The following LNX1 variants were observed in gnomAD, a reference collection of about 807,000 sequenced individuals.
LNX1 encodes the protein E3 ubiquitin-protein ligase LNX.
Under a neutral mutation model 68.4 loss-of-function variants are expected in LNX1, and 54 were observed. The observed-to-expected ratio is 0.79, with a 90% confidence interval of 0.63 to 0.99. The LOEUF (loss-of-function observed/expected upper bound fraction) is 0.99, where lower values mean the gene tolerates loss of function less well. Ranked by LOEUF, LNX1 falls within the 50% of genes least tolerant of loss-of-function variation. The probability of loss-of-function intolerance (pLI) is 0.00; values close to 1 mark genes in which losing one functional copy is unlikely to be tolerated. For missense variants in LNX1, 906 were observed against 926.4 expected, an observed-to-expected ratio of 0.98 and a Z score of 0.29; for synonymous variants, 336 against 350.0, an observed-to-expected ratio of 0.96 and a Z score of 0.45.
intron 2 of LNX1, among the ~76,000 whole-genome samples, chr4:53,567,541 C>T (rs1199447494): frequency 6.6e-6 from 1 of 152,160 alleles, no homozygotes; most frequent in Non-Finnish European, 1.5e-5. Flanking sequence ...CAAGAGAAAG[C>T]AGGAAAGATC....
rs762976411 is a variant in LNX1, at chr4:53,459,520, A to G, written c.*1387T>C. On this transcript the variant is annotated 3_prime_UTR_variant, in exon 11 of 11. Coordinates refer to ENST00000263925, the MANE Select transcript of LNX1 (RefSeq NM_001126328.3). ...TATAAATCTTGTTATTTTTCTGGAT[A>G]ATGTTTAAGAAATTTACCTTAAATC... 4 of 1,593,638 alleles carry G rather than the reference A, an allele frequency of 2.5e-6. No homozygotes were observed. Among genetic ancestry groups the G allele is most frequent in the African/African-American group, 2.7e-5 (2 of 74,288 alleles).
At chr4:53,471,126 C>G (rs2150570683) in intron 9 of LNX1, among the ~76,000 whole-genome samples, 1 of 142,306 alleles carries the variant, frequency 7.0e-6, no homozygotes, top group East Asian at 2.0e-4. Context: ...CAGCATGGTA[C>G]TGGTACCAAA....
intron 2 of LNX1, among the ~76,000 whole-genome samples, chr4:53,515,542 C>A (rs1046328947): frequency 4.6e-5 from 7 of 151,678 alleles, no homozygotes; most frequent in Non-Finnish European, 1.0e-4. Flanking sequence ...GACAAGAAGA[C>A]CGACTTAAGA....
chr4:53,576,283 G>A (rs1330582608), intron 1 of LNX1: 10 of 1,612,372 alleles, frequency 6.2e-6, no homozygotes, highest in Middle Eastern at 1.6e-4. Context: ...ATACCGCTTC[G>A]AGGTCCCCAT....
chr4:53,604,410 A>G (rs1733144914), intron 2 of LNX1, among the ~76,000 whole-genome samples: 1 of 152,248 alleles, frequency 6.6e-6, no homozygotes, highest in South Asian at 2.1e-4. Flanking sequence ...AAAAGTGATG[A>G]ATTCTCTAGA....
chr4:53,643,875 G>A (rs1399085644), intron 1 of LNX1, among the ~76,000 whole-genome samples: 1 of 152,230 alleles, frequency 6.6e-6, no homozygotes, highest in Admixed American at 6.5e-5. Flanking sequence ...GAAGAATTCA[G>A]TAAGTGACAG....
intron 5 of LNX1, among the ~76,000 whole-genome samples, 163 bp downstream of exon 5, chr4:53,498,478 C>T (rs938600017): frequency 1.3e-5 from 2 of 152,082 alleles, no homozygotes; most frequent in Admixed American, 6.6e-5. Context: ...ACAAAGATCT[C>T]AATTAAATGA....
At chr4:53,535,195 C>T (rs1005926957) in intron 2 of LNX1, among the ~76,000 whole-genome samples, 1 of 152,198 alleles carries the variant, frequency 6.6e-6, no homozygotes, top group African/African-American at 2.4e-5. Flanking sequence ...ACCAATATTG[C>T]TGTTTCCATT....
At position 53,581,822 on chromosome 4, in the gene LNX1, T is replaced by C. The variant is rs1285846033; in HGVS notation, c.-86-7734A>G. Among the ~76,000 whole-genome samples the C allele has an allele frequency of 5.3e-5, 8 of 152,182 alleles. No individual in the cohort carries two copies. In the East Asian group the frequency reaches 1.5e-3, roughly 29 times the overall value. Reference sequence around the variant, plus strand: ...ACCATATCACGCATCTTGTTTTTGATTGAGGAAATTGCCATGTTTGATCAT... The same window carrying C: ...ACCATATCACGCATCTTGTTTTTGACTGAGGAAATTGCCATGTTTGATCAT... On this transcript the variant is annotated intron_variant, in intron 1 of 10. Coordinates refer to ENST00000263925, the MANE Select transcript of LNX1 (RefSeq NM_001126328.3).
intron 2 of LNX1, among the ~76,000 whole-genome samples, chr4:53,568,933 T>A (rs1193922517): frequency 6.6e-6 from 1 of 151,690 alleles, no homozygotes; most frequent in Admixed American, 6.6e-5. Context: ...GAGAATAAAA[T>A]ACCTAGGAAT....
intron 1 of LNX1, among the ~76,000 whole-genome samples, chr4:53,625,136 A>G (rs963509796): frequency 2.6e-4 from 39 of 152,338 alleles, no homozygotes; most frequent in African/African-American, 8.7e-4. Context: ...GGGAAAAAAC[A>G]TAAGAGTAAA....
chr4:53,471,213 CA>C (rs1211070252), intron 9 of LNX1, among the ~76,000 whole-genome samples: 1 of 151,774 alleles, frequency 6.6e-6, no homozygotes, highest in Non-Finnish European at 1.5e-5. Context: ...TGATCTTTGA[CA>C]AACCTGACAA....
At chr4:53,622,415 C>A (rs1707094659), upstream of LNX1, among the ~76,000 whole-genome samples, 1 of 152,082 alleles carries the variant, frequency 6.6e-6, no homozygotes, top group African/African-American at 2.4e-5. Context: ...ACCTCTGTTG[C>A]CACACACTGG....
At chr4:53,502,316 G>A (rs1174969896) in intron 4 of LNX1, among the ~76,000 whole-genome samples, 1 of 147,180 alleles carries the variant, frequency 6.8e-6, no homozygotes, top group Non-Finnish European at 1.5e-5. Flanking sequence ...GATATTGTGG[G>A]TTTGGTTCCA....
chr4:53,532,067 G>A (rs945224191), intron 2 of LNX1, among the ~76,000 whole-genome samples: 3 of 152,314 alleles, frequency 2.0e-5, no homozygotes, highest in South Asian at 4.1e-4. Flanking sequence ...GTCTTGCAAT[G>A]AGAAACAAGG....
intron 1 of LNX1, among the ~76,000 whole-genome samples, chr4:53,635,109 C>T (rs571751901): frequency 6.6e-6 from 1 of 152,340 alleles, no homozygotes; most frequent in African/African-American, 2.4e-5. Flanking sequence ...GAATAGCACG[C>T]ATGAGCCATG....
At chr4:53,464,951 TTC>T (rs1722553840) in intron 9 of LNX1, among the ~76,000 whole-genome samples, 2 of 152,158 alleles carry the variant, frequency 1.3e-5, no homozygotes, top group South Asian at 4.1e-4. Context: ...AATCAGAACA[TTC>T]TATAAAATCT....
chr4:53,541,640 C>T (rs941688617), intron 2 of LNX1, among the ~76,000 whole-genome samples: 7 of 151,962 alleles, frequency 4.6e-5, no homozygotes, highest in East Asian at 3.9e-4. Context: ...GCCAAGAAAA[C>T]GGACTGTTTC....
At chr4:53,629,921 A>G (rs753487497) in intron 1 of LNX1, among the ~76,000 whole-genome samples, 14 of 152,136 alleles carry the variant, frequency 9.2e-5, no homozygotes, top group Non-Finnish European at 1.5e-4. Context: ...ACAATACATC[A>G]ATTCTTCTCA....
Sources: allele counts gnomAD v4.1 joint callset (sites outside exome capture counted in the v4.1 genomes callset), GRCh38; gene constraint gnomAD v4.1.1; transcripts MANE v1.5; gene names NCBI Gene and HGNC (gene_info 2026-07-23, HGNC 2026-07-21).